The following GABRG3 variants were observed in gnomAD, a reference collection of about 807,000 sequenced individuals.
The protein encoded by GABRG3 is gamma-aminobutyric acid receptor subunit gamma-3.
A neutral mutation model predicts 48.8 loss-of-function variants in GABRG3; 25 were observed. The ratio of observed to expected loss-of-function variants is 0.51; its 90% confidence interval spans 0.37 to 0.72. The LOEUF (loss-of-function observed/expected upper bound fraction) is 0.72, where lower values mean the gene tolerates loss of function less well. Among genes scored for constraint, GABRG3 ranks in the 30% least tolerant of loss-of-function variants. The pLI is 0.00. For synonymous variants in GABRG3, 227 were observed against 217.6 expected (o/e 1.04, Z -0.38); for missense variants, 394 against 577.9 (o/e 0.68, Z 3.26).
At chr15:27,245,099 A>T (rs956356016) in intron 3 of GABRG3, among the ~76,000 whole-genome samples, 1 of 152,088 alleles carries the variant, frequency 6.6e-6, no homozygotes, top group Non-Finnish European at 1.5e-5. Context: ...ACAGGGATGC[A>T]TTGCTTTGAC....
chr15:27,407,175 C>T (rs911979059), intron 5 of GABRG3, among the ~76,000 whole-genome samples: 5 of 152,146 alleles, frequency 3.3e-5, no homozygotes, highest in African/African-American at 1.2e-4. Flanking sequence ...ATCCACCCAA[C>T]TTGGCCTCCC....
At chr15:27,286,110 G>T (rs982098285) in intron 3 of GABRG3, among the ~76,000 whole-genome samples, 1 of 152,206 alleles carries the variant, frequency 6.6e-6, no homozygotes, top group Non-Finnish European at 1.5e-5. Flanking sequence ...AAGTGCAAAT[G>T]AAATGAGCTG....
At chr15:27,249,614 C>T (rs931574317) in intron 3 of GABRG3, among the ~76,000 whole-genome samples, 1 of 152,118 alleles carries the variant, frequency 6.6e-6, no homozygotes, top group East Asian at 1.9e-4. Context: ...TTAAGTAGGA[C>T]CTGCTGTGCC....
At chr15:27,277,908 C>T (rs1891307997) in intron 3 of GABRG3, among the ~76,000 whole-genome samples, 1 of 152,058 alleles carries the variant, frequency 6.6e-6, no homozygotes, top group African/African-American at 2.4e-5. Flanking sequence ...CTATTTACCC[C>T]ACTTCCCTCA....
chr15:27,467,710 C>A (rs1318252288), intron 5 of GABRG3, among the ~76,000 whole-genome samples: 1 of 152,180 alleles, frequency 6.6e-6, no homozygotes, highest in Non-Finnish European at 1.5e-5. Context: ...TCCACATCAA[C>A]TTTCTTCTAT....
At chr15:27,437,198 A>C (rs775216171) in intron 5 of GABRG3, among the ~76,000 whole-genome samples, 5 of 152,206 alleles carry the variant, frequency 3.3e-5, no homozygotes, top group Non-Finnish European at 2.9e-5. Context: ...ATTGAAAAAA[A>C]AAATCAAAAC....
intron 5 of GABRG3, among the ~76,000 whole-genome samples, chr15:27,385,997 A>C (rs1018577058): frequency 6.6e-6 from 1 of 151,610 alleles, no homozygotes; most frequent in Non-Finnish European, 1.5e-5. Context: ...TATTGTGGCA[A>C]CTCTGTATTC....
At chr15:27,303,967 A>T (rs1892305122) in intron 3 of GABRG3, among the ~76,000 whole-genome samples, 1 of 151,928 alleles carries the variant, frequency 6.6e-6, no homozygotes, top group Admixed American at 6.6e-5. Context: ...TGACCATATT[A>T]ATAACCTAAA....
rs1419346618 is a variant in GABRG3 at position 27,540,695 on chromosome 15, C to G, written c.*7814C>G. 2 of 152,222 alleles carry G rather than the reference C, an allele frequency of 1.3e-5. No individual in the cohort carries two copies. The highest frequency in any genetic ancestry group is 2.9e-5 in the Non-Finnish European group (2 of 68,054). 9.4% of individuals were successfully genotyped at this position (152,222 alleles called of 1,614,324 possible). A position where few individuals can be genotyped will look rare whatever the true frequency, so the allele number is the denominator to read the frequency against. On this transcript the variant is annotated 3_prime_UTR_variant, in exon 10 of 10. Transcript: ENST00000615808. ...ACAATGTGTTTTCCTTTACGTGCAG[C>G]TCCGGTACTGAGCAAAAGGTTCGTT...
chr15:27,524,270 T>G (rs1169339156), intron 7 of GABRG3, among the ~76,000 whole-genome samples: 2 of 152,070 alleles, frequency 1.3e-5, no homozygotes, highest in Non-Finnish European at 2.9e-5. Flanking sequence ...CAGAATTCTA[T>G]ACCCAATGAG....
chr15:27,316,380 T>A (rs1595672227), intron 3 of GABRG3, among the ~76,000 whole-genome samples: 2 of 105,808 alleles, frequency 1.9e-5, no homozygotes, highest in Admixed American at 2.6e-4. Flanking sequence ...AGAGCGAGAC[T>A]CCGTCTCAAA....
intron 6 of GABRG3, among the ~76,000 whole-genome samples, chr15:27,504,554 A>T (rs1375892927): frequency 6.6e-6 from 1 of 152,170 alleles, no homozygotes; most frequent in African/African-American, 2.4e-5. Flanking sequence ...ACTTTTGCAT[A>T]TGTTAAATAT....
At chr15:27,388,900 G>A (rs975375348) in intron 5 of GABRG3, among the ~76,000 whole-genome samples, 10 of 151,540 alleles carry the variant, frequency 6.6e-5, no homozygotes, top group Non-Finnish European at 1.2e-4. Context: ...AGAGAGACCT[G>A]AATTTTTCCT....
intron 5 of GABRG3, among the ~76,000 whole-genome samples, chr15:27,347,299 G>A (rs530267964): frequency 3.9e-5 from 6 of 152,212 alleles, no homozygotes; most frequent in Non-Finnish European, 7.3e-5. Flanking sequence ...GCCAACGGAG[G>A]TTTGTTCTGT....
chr15:27,394,439 T>G lies in GABRG3; in HGVS notation c.574+65551T>G, dbSNP rs1010920080. On this transcript the variant is annotated intron_variant, in intron 5 of 9. Transcript: ENST00000615808. ...GTATATAAGCACAGTTTAATAACTTTTGGTTTATTCAGTTGTATTTTGATC... is the reference window on the plus strand; with the variant it reads ...GTATATAAGCACAGTTTAATAACTTGTGGTTTATTCAGTTGTATTTTGATC... Among the ~76,000 whole-genome samples, 4 of 152,150 alleles carry G rather than the reference T, an allele frequency of 2.6e-5. No individual in the cohort carries two copies. In the East Asian group the frequency reaches 7.7e-4, roughly 29 times the overall value.
chr15:27,523,272 A>C (rs573170332), intron 7 of GABRG3, among the ~76,000 whole-genome samples: 1 of 151,944 alleles, frequency 6.6e-6, no homozygotes, highest in East Asian at 1.9e-4. Context: ...AAGAAACATC[A>C]TGAAGATTTG....
chr15:27,379,411 A>C (rs1895696723), intron 5 of GABRG3, among the ~76,000 whole-genome samples: 1 of 152,224 alleles, frequency 6.6e-6, no homozygotes, highest in Admixed American at 6.5e-5. Context: ...TATAATCATC[A>C]AATTCTTTAT....
chr15:27,472,379 G>A (rs12911313), intron 5 of GABRG3, among the ~76,000 whole-genome samples: 56,241 of 151,906 alleles, frequency 0.37, 12,030 homozygotes, highest in Non-Finnish European at 0.48. Flanking sequence ...GGGTTCAAGC[G>A]ATTCTCCAGC....
In GABRG3 at chr15:27,401,583, T is replaced by C. The variant is rs189116009; in HGVS notation, c.574+72695T>C. Among the ~76,000 whole-genome samples the C allele has an allele frequency of 3.3e-5, 5 of 152,320 alleles. No homozygotes were observed. The East Asian group carries it at 9.6e-4, about 29-fold the overall frequency. ...TCTTGCAGTTATTTCGCTCTCTCAC[T>C]CCCTTACCCCTGTGACATTCTAACC... On this transcript the variant is annotated intron_variant, in intron 5 of 9. Coordinates refer to ENST00000615808, the MANE Select transcript of GABRG3 (RefSeq NM_033223.5).
Sources: gnomAD v4.1 joint callset for allele counts (sites outside exome capture counted in the v4.1 genomes callset) on GRCh38, gnomAD v4.1.1 for gene constraint, MANE v1.5 for transcripts, NCBI Gene and HGNC (gene_info 2026-07-23, HGNC 2026-07-21) for gene names.